LRP1B: variants seen among roughly 807,000 people sequenced by gnomAD.
The protein encoded by LRP1B is LDL receptor related protein 1B, also known as low-density lipoprotein receptor-related protein 1B.
LRP1B carries 217 observed loss-of-function variants against 556.6 expected under a neutral mutation model. The ratio of observed to expected loss-of-function variants is 0.39; its 90% CI spans 0.35 to 0.44. The LOEUF (loss-of-function observed/expected upper bound fraction) is 0.44. Ranked by LOEUF, LRP1B falls within the 20% of genes least tolerant of loss-of-function variation. LRP1B has a pLI of 1.00. For missense variants in LRP1B, 5,053 were observed against 5,620.8 expected (o/e 0.90, Z 3.23); for synonymous variants, 2,047 against 1,865.8 (o/e 1.10, Z -2.50).
intron 7 of LRP1B, among the ~76,000 whole-genome samples, chr2:141,141,150 C>T (rs781066462): frequency 1.3e-5 from 2 of 151,972 alleles, no homozygotes; most frequent in African/African-American, 2.4e-5. Flanking sequence ...ATTTGGTTAA[C>T]GAATACAGAA....
intron 37 of LRP1B, among the ~76,000 whole-genome samples, chr2:140,710,106 G>T (rs1346970828): frequency 6.6e-6 from 1 of 151,982 alleles, no homozygotes; most frequent in Non-Finnish European, 1.5e-5. Context: ...AAGATTTCTT[G>T]TTTTGTGGAC....
At chr2:140,927,699 C>T (rs1249149760) in intron 20 of LRP1B, among the ~76,000 whole-genome samples, 3 of 134,272 alleles carry the variant, frequency 2.2e-5, no homozygotes, top group East Asian at 2.4e-4. Context: ...ATTAGTATTA[C>T]GAGGAAGGCT....
intron 2 of LRP1B, among the ~76,000 whole-genome samples, chr2:141,682,048 G>A (rs936796993): frequency 4.6e-5 from 7 of 151,968 alleles, no homozygotes; most frequent in Admixed American, 6.6e-5. Context: ...AAAGAATTTC[G>A]AAGCAAAAGT....
intron 75 of LRP1B, among the ~76,000 whole-genome samples, chr2:140,355,272 T>TTG (rs774371338): frequency 5.5e-4 from 83 of 151,522 alleles, no homozygotes; most frequent in Admixed American, 1.5e-3. Flanking sequence ...ATTGAAAGAA[T>TTG]TGTGTGTGTG....
intron 17 of LRP1B, among the ~76,000 whole-genome samples, chr2:140,982,826 A>G (rs564086702): frequency 8.0e-5 from 12 of 150,936 alleles, no homozygotes; most frequent in Non-Finnish European, 1.6e-4. Context: ...AGTGCAGAGA[A>G]TATTTTCTAA....
intron 16 of LRP1B, among the ~76,000 whole-genome samples, chr2:140,990,596 TACAA>T (rs1697064269): frequency 6.6e-6 from 1 of 151,768 alleles, no homozygotes; most frequent in Non-Finnish European, 1.5e-5. Flanking sequence ...TCTTCCCTAG[TACAA>T]ACAAACATGC....
intron 1 of LRP1B, among the ~76,000 whole-genome samples, chr2:141,923,479 T>TA (rs781678797): frequency 0.023 from 2,898 of 126,320 alleles, 80 homozygotes; most frequent in Non-Finnish European, 0.033. Context: ...TGTGTGTGTG[T>TA]GTGTGTGTAG....
At chr2:141,117,647 C>A (rs956446249) in intron 7 of LRP1B, among the ~76,000 whole-genome samples, 1 of 151,928 alleles carries the variant, frequency 6.6e-6, no homozygotes, top group Non-Finnish European at 1.5e-5. Flanking sequence ...AATAATACAA[C>A]ATTTTAAAAT....
intron 6 of LRP1B, among the ~76,000 whole-genome samples, chr2:141,210,482 C>A (rs766927695): frequency 1.3e-5 from 2 of 152,116 alleles, no homozygotes; most frequent in Non-Finnish European, 2.9e-5. Context: ...TCAGAAACAT[C>A]AGTTTCATAA....
At chr2:141,908,869 G>A (rs964649963) in intron 1 of LRP1B, among the ~76,000 whole-genome samples, 2 of 152,008 alleles carry the variant, frequency 1.3e-5, no homozygotes, top group Admixed American at 1.3e-4. Context: ...ACTATATGAA[G>A]TGAATTTGAG....
intron 5 of LRP1B, among the ~76,000 whole-genome samples, chr2:141,244,973 G>T (rs1245915468): frequency 6.6e-6 from 1 of 152,042 alleles, no homozygotes; most frequent in Non-Finnish European, 1.5e-5. Context: ...GATGTAGTAG[G>T]ACATTATCAT....
intron 6 of LRP1B, among the ~76,000 whole-genome samples, chr2:141,200,869 A>G (rs192199005): frequency 6.6e-6 from 1 of 152,186 alleles, no homozygotes; most frequent in South Asian, 2.1e-4. Flanking sequence ...ATTTAGAAAT[A>G]CATACTTGTA....
At chr2:141,634,689 A>T (rs1689040094) in intron 2 of LRP1B, among the ~76,000 whole-genome samples, 1 of 151,952 alleles carries the variant, frequency 6.6e-6, no homozygotes, top group South Asian at 2.1e-4. Context: ...TATACAAAAG[A>T]GGTATATAGC....
chr2:141,808,986 A>G (rs1234582469), intron 2 of LRP1B, among the ~76,000 whole-genome samples: 3 of 152,164 alleles, frequency 2.0e-5, no homozygotes, highest in Non-Finnish European at 4.4e-5. Flanking sequence ...TTTATCCATT[A>G]GAATTTTTCC....
chr2:141,422,553 G>A (rs1446816125), intron 3 of LRP1B, among the ~76,000 whole-genome samples: 1 of 152,074 alleles, frequency 6.6e-6, no homozygotes, highest in Non-Finnish European at 1.5e-5. Context: ...GAAAAATGAA[G>A]TTTCACAAAA....
intron 83 of LRP1B, among the ~76,000 whole-genome samples, chr2:140,304,251 G>A (rs1218808710): frequency 1.3e-5 from 2 of 152,142 alleles, no homozygotes; most frequent in Admixed American, 6.5e-5. Flanking sequence ...TGCCACAATG[G>A]TTGTTGATGG....
chr2:140,676,703 A>G (rs576305764), intron 41 of LRP1B, among the ~76,000 whole-genome samples: 19 of 152,336 alleles, frequency 1.2e-4, no homozygotes, highest in African/African-American at 4.6e-4. Flanking sequence ...TTTAAAAAGT[A>G]TAGATAGATT....
intron 2 of LRP1B, among the ~76,000 whole-genome samples, chr2:141,697,927 G>A (rs748503793): frequency 4.0e-5 from 6 of 151,874 alleles, no homozygotes; most frequent in Non-Finnish European, 8.8e-5. Flanking sequence ...GCTAGCTTTA[G>A]CTTACGGTGC....
chr2:142,042,763 C>T (rs921665860), intron 1 of LRP1B, among the ~76,000 whole-genome samples: 8 of 151,562 alleles, frequency 5.3e-5, no homozygotes, highest in African/African-American at 1.9e-4. Flanking sequence ...TGGAATTAGT[C>T]AAGTGGGAAT....
Sources: gnomAD v4.1 joint callset for allele counts (sites outside exome capture counted in the v4.1 genomes callset) on GRCh38, gnomAD v4.1.1 for gene constraint, MANE v1.5 for transcripts, NCBI Gene and HGNC (gene_info 2026-07-23, HGNC 2026-07-21) for gene names.